Variants in LRRC7 observed in about 807,000 individuals in gnomAD.
The protein encoded by LRRC7 is leucine-rich repeat-containing protein 7.
Under a neutral mutation model 175.7 loss-of-function variants are expected in LRRC7, and 23 were observed. The ratio of observed to expected loss-of-function variants is 0.13; its 90% CI spans 0.09 to 0.19. The LOEUF (loss-of-function observed/expected upper bound fraction) is 0.19. Ranked by LOEUF, LRRC7 falls within the 10% of genes least tolerant of loss-of-function variation. LRRC7 has a pLI of 1.00. For missense variants in LRRC7, 1,354 were observed against 1,904.7 expected (o/e 0.71, Z 5.38); for synonymous variants, 685 against 680.9 (o/e 1.01, Z -0.09).
At chr1:69,690,885 A>G (rs539862289) in intron 2 of LRRC7, among the ~76,000 whole-genome samples, 1 of 152,304 alleles carries the variant, frequency 6.6e-6, no homozygotes, top group East Asian at 1.9e-4. Context: ...TGAAATCATC[A>G]TTACATTGAA....
rs1666603234 is a variant in LRRC7 at position 70,130,013 on chromosome 1, C to A, written c.*8126C>A. On this transcript the variant is annotated 3_prime_UTR_variant, in exon 27 of 27. Coordinates refer to ENST00000651989, the MANE Select transcript of LRRC7 (RefSeq NM_001370785.2). ...CTTTCTAAATTATTAAAATCATATG[C>A]AGCCTTCAGAGCCCAGCTCAAACAG... 6.6e-6 allele frequency: 1 copy of A among 152,212 alleles called. No individual in the cohort carries two copies. The highest frequency in any genetic ancestry group is 2.1e-4 in the South Asian group (1 of 4,826). 9.4% of individuals were successfully genotyped at this position (152,212 alleles called of 1,614,324 possible).
chr1:69,989,288 T>G (rs1654215603), intron 10 of LRRC7, among the ~76,000 whole-genome samples: 2 of 152,162 alleles, frequency 1.3e-5, no homozygotes, highest in Non-Finnish European at 2.9e-5. Flanking sequence ...GTATTTAAAT[T>G]GACAGATATG....
At chr1:69,799,402 A>G (rs1676197240) in intron 4 of LRRC7, among the ~76,000 whole-genome samples, 1 of 151,868 alleles carries the variant, frequency 6.6e-6, no homozygotes, top group Non-Finnish European at 1.5e-5. Context: ...ATTAATCCAC[A>G]CTTTATGTCC....
chr1:70,043,597 G>T (rs1421930105), intron 21 of LRRC7, among the ~76,000 whole-genome samples: 2 of 152,166 alleles, frequency 1.3e-5, no homozygotes, highest in Non-Finnish European at 2.9e-5. Context: ...AAAATTTAAG[G>T]TCTCACTGTT....
At chr1:69,610,327 G>T (rs1648505279) in intron 1 of LRRC7, among the ~76,000 whole-genome samples, 1 of 151,834 alleles carries the variant, frequency 6.6e-6, no homozygotes, top group South Asian at 2.1e-4. Context: ...TTTTTCTTTG[G>T]CAAGAATATT....
At chr1:69,613,404 A>T (rs1349612745) in intron 1 of LRRC7, among the ~76,000 whole-genome samples, 1 of 152,014 alleles carries the variant, frequency 6.6e-6, no homozygotes. Context: ...GTATCATTAC[A>T]TTGGGGGTGA....
chr1:70,085,723 C>T (rs1663554851), intron 24 of LRRC7, among the ~76,000 whole-genome samples: 1 of 152,104 alleles, frequency 6.6e-6, no homozygotes, highest in Non-Finnish European at 1.5e-5. Context: ...AATAACTCCT[C>T]ATTCCATTTC....
chr1:70,121,860 A>C lies in LRRC7; in HGVS notation c.4701A>C (p.Leu1567=), dbSNP rs1666227766. 1.2e-6 allele frequency: 2 copies of C among 1,609,474 alleles called. No individual in the cohort carries two copies. Among genetic ancestry groups the C allele is most frequent in the Non-Finnish European group, 1.7e-6 (2 of 1,176,062 alleles). Residue 1567 remains leucine, a synonymous_variant, in exon 27 of 27, where the codon CTA becomes CTC. Coordinates refer to ENST00000651989, the MANE Select transcript of LRRC7 (RefSeq NM_001370785.2). ...LLKSFQNTVD[L]VIQRELTV ...AGAGTTTCCAGAACACAGTAGACCT[A>C]GTTATTCAACGTGAGCTTACTGTCT...
At chr1:69,903,975 A>G (rs761305257) in intron 7 of LRRC7, among the ~76,000 whole-genome samples, 8 of 152,216 alleles carry the variant, frequency 5.3e-5, no homozygotes, top group Non-Finnish European at 7.3e-5. Context: ...ATCCCTGAAT[A>G]AACCAATAAC....
In LRRC7 at chr1:70,142,194, T is replaced by C. The variant is rs935854254; in HGVS notation, c.*20307T>C. The stretch of plus-strand genomic sequence containing the variant: ...AAATAATTTTTATTTTCAATACTTG[T>C]AGTCTTTCCACTCAGAGGACTCTTA... On this transcript the variant is annotated 3_prime_UTR_variant, in exon 27 of 27. Transcript: ENST00000651989. 6.6e-6 allele frequency: 1 copy of C among 152,168 alleles called. No homozygotes were observed. The highest frequency in any genetic ancestry group is 2.4e-5 in the African/African-American group (1 of 41,470). The allele number at this position is 152,168 out of a possible 1,614,324, so 9.4% of individuals were successfully genotyped here. A position where few individuals can be genotyped will look rare whatever the true frequency, so the allele number is the denominator to read the frequency against.
At chr1:70,010,420 G>C (rs886839007) in intron 11 of LRRC7, among the ~76,000 whole-genome samples, 2 of 152,008 alleles carry the variant, frequency 1.3e-5, no homozygotes, top group African/African-American at 4.8e-5. Context: ...ACAAAAATTA[G>C]CTGGGCGTGG....
intron 23 of LRRC7, among the ~76,000 whole-genome samples, chr1:70,057,585 C>T (rs573033338): frequency 6.6e-6 from 1 of 151,822 alleles, no homozygotes; most frequent in Non-Finnish European, 1.5e-5. Context: ...TTTCTCCAAG[C>T]CTCTGTAGAT....
chr1:69,875,535 T>C (rs1685964281), intron 7 of LRRC7, among the ~76,000 whole-genome samples: 2 of 152,086 alleles, frequency 1.3e-5, no homozygotes, highest in Non-Finnish European at 2.9e-5. Context: ...TTTTGCCCAC[T>C]GTCCATGTTA....
At position 70,039,750 on chromosome 1, in the gene LRRC7, G is replaced by T; in HGVS notation, c.3926G>T (p.Arg1309Ile). ...TGTGGTAAAATGCCTGCAGACTGGA[G>T]ACAACAGCTGCTTAGACATATAGAA... ...ESCGKMPADW[R>I]QQLLRHIEAR... The change falls in exon 21 of 27, where the codon AGA becomes ATA. Residue 1309 changes from arginine (R) to isoleucine (I), a missense_variant. Around this residue, in one of 4 missense-constraint regions of LRRC7, gnomAD observed 1,032 missense variants for 1,227.2 expected, o/e 0.84. Transcript: ENST00000651989. 6.2e-7 allele frequency: 1 copy of T among 1,611,932 alleles called. No homozygotes were observed.
chr1:69,865,249 C>T (rs534862059), intron 7 of LRRC7, among the ~76,000 whole-genome samples: 1 of 151,952 alleles, frequency 6.6e-6, no homozygotes, highest in African/African-American at 2.4e-5. Context: ...ATGGTCAATA[C>T]GACATCTGCA....
chr1:69,997,384 C>G (rs553572581), intron 11 of LRRC7, among the ~76,000 whole-genome samples: 109 of 149,176 alleles, frequency 7.3e-4, no homozygotes, highest in South Asian at 1.1e-3. Flanking sequence ...TAATTGAATA[C>G]CCTTTATTTC....
chr1:70,082,781 A>ATTTTT lies in LRRC7; in HGVS notation c.4452+6510_4452+6514dup, dbSNP rs1172403797. ...TATTAGTCAATCTTGATACCAGTAC[A>ATTTTT]TTTTTTTTTTTTTTTTTTTTTTTTT... On this transcript the variant is annotated intron_variant, in intron 24 of 26. Transcript: ENST00000651989. Among the ~76,000 whole-genome samples, 131 of 52,290 alleles carry ATTTTT rather than the reference A, an allele frequency of 2.5e-3. 34 individuals carry two copies. Among genetic ancestry groups the ATTTTT allele is most frequent in the East Asian group, 5.7e-3 (8 of 1,406 alleles). 34.3% of individuals were successfully genotyped at this position (52,290 alleles called of 152,430 possible).
At chr1:69,740,322 C>T (rs537166465) in intron 2 of LRRC7, among the ~76,000 whole-genome samples, 155 of 152,158 alleles carry the variant, frequency 1.0e-3, no homozygotes, top group African/African-American at 3.7e-3. Flanking sequence ...CTCATGGGGA[C>T]TTTTCTCTGT....
At chr1:69,660,037 T>C (rs1657225807) in intron 1 of LRRC7, among the ~76,000 whole-genome samples, 1 of 152,018 alleles carries the variant, frequency 6.6e-6, no homozygotes, top group Non-Finnish European at 1.5e-5. Flanking sequence ...TCTTTTAAAA[T>C]TCACAACCAT....
Sources: gnomAD v4.1 joint callset for allele counts (sites outside exome capture counted in the v4.1 genomes callset) on GRCh38, gnomAD v4.1.1 for gene constraint, gnomAD v4.1.1 regional missense constraint, MANE v1.5 for transcripts, NCBI Gene and HGNC (gene_info 2026-07-23, HGNC 2026-07-21) for gene names.